AMPH: variants seen among roughly 807,000 people sequenced by gnomAD.
The protein encoded by AMPH is amphiphysin (Stiff-Mann syndrome with breast cancer 128kD autoantigen).
A neutral mutation model predicts 99.1 loss-of-function variants in AMPH; 49 were observed. The ratio of observed to expected loss-of-function variants is 0.49; its 90% CI spans 0.39 to 0.63. AMPH has a LOEUF of 0.63. Ranked by LOEUF, AMPH falls within the 20% of genes least tolerant of loss-of-function variation. AMPH has a pLI of 0.00. For synonymous variants in AMPH, 314 were observed against 317.3 expected (o/e 0.99, Z 0.11); for missense variants, 759 against 863.4 (o/e 0.88, Z 1.52).
intron 4 of AMPH, among the ~76,000 whole-genome samples, chr7:38,494,210 C>T (rs980956952): frequency 2.0e-5 from 3 of 152,182 alleles, no homozygotes; most frequent in East Asian, 1.9e-4. Context: ...TCACCCGCCT[C>T]GTCCTCCCAA....
chr7:38,432,951 C>T (rs763983409), intron 12 of AMPH, among the ~76,000 whole-genome samples: 3 of 152,184 alleles, frequency 2.0e-5, no homozygotes, highest in Non-Finnish European at 2.9e-5. Context: ...ATGGCTTCCA[C>T]TATGGGTGAG....
At position 38,391,934 on chromosome 7, in the gene AMPH, C is replaced by T. The variant is rs1413135723; in HGVS notation, c.1692G>A (p.Glu564=). ...CCGCGTCCTCGGTGGTCTCCTTGGG[C>T]TCTGCACCTATAGTTATTTCGTTTT... is the stretch of plus-strand genomic sequence containing the variant. The part of the protein sequence containing the change: ...EGENEITIGA[E]PKETTEDAAP... Residue 564 remains glutamate, a synonymous_variant, in exon 19 of 21, where the codon GAG becomes GAA. Transcript: ENST00000356264. 1.9e-6 allele frequency: 3 copies of T among 1,612,482 alleles called. No homozygotes were observed. The highest frequency in any genetic ancestry group is 1.7e-6 in the Non-Finnish European group (2 of 1,179,968).
chr7:38,417,064 T>C (rs926448414), intron 17 of AMPH, among the ~76,000 whole-genome samples: 4 of 152,208 alleles, frequency 2.6e-5, no homozygotes, highest in Admixed American at 6.5e-5. Flanking sequence ...CTGATTGAAA[T>C]TGTTGGAAGA....
chr7:38,421,865 AACACT>A (rs1302135352), intron 16 of AMPH, among the ~76,000 whole-genome samples: 1 of 152,232 alleles, frequency 6.6e-6, no homozygotes. Flanking sequence ...TCATAACTGC[AACACT>A]GATCTTTTAA....
chr7:38,567,955 A>T (rs533341683), intron 1 of AMPH, among the ~76,000 whole-genome samples: 2 of 152,204 alleles, frequency 1.3e-5, no homozygotes, highest in Non-Finnish European at 2.9e-5. Context: ...TATATATTCT[A>T]TTATTCATAT....
At chr7:38,541,456 C>T (rs546728419) in intron 1 of AMPH, among the ~76,000 whole-genome samples, 6 of 152,308 alleles carry the variant, frequency 3.9e-5, no homozygotes, top group Non-Finnish European at 5.9e-5. Context: ...ACTAGAAATG[C>T]ATCCTTCGGT....
chr7:38,448,774 A>G (rs1027592402), intron 11 of AMPH, among the ~76,000 whole-genome samples: 1 of 152,152 alleles, frequency 6.6e-6, no homozygotes, highest in Admixed American at 6.5e-5. Flanking sequence ...GTTCTCTCAC[A>G]TTTGCTTTAT....
intron 1 of AMPH, among the ~76,000 whole-genome samples, chr7:38,576,742 C>T (rs1282192780): frequency 6.6e-6 from 1 of 152,114 alleles, no homozygotes; most frequent in African/African-American, 2.4e-5. Context: ...AGAGATCTCA[C>T]TTAAGTCTTT....
At chr7:38,540,973 C>T (rs1790786981) in intron 1 of AMPH, among the ~76,000 whole-genome samples, 2 of 132,478 alleles carry the variant, frequency 1.5e-5, no homozygotes. Context: ...TTTAATTAGT[C>T]TTCTTTAACA....
chr7:38,517,898 C>T (rs1194821923), intron 2 of AMPH, among the ~76,000 whole-genome samples: 1 of 152,106 alleles, frequency 6.6e-6, no homozygotes, highest in African/African-American at 2.4e-5. Flanking sequence ...ATGAAAGACC[C>T]CACAATCATT....
intron 1 of AMPH, among the ~76,000 whole-genome samples, chr7:38,619,648 A>G (rs1246893635): frequency 3.3e-5 from 5 of 152,208 alleles, no homozygotes. Context: ...GCCTCAACAA[A>G]TTTTAAAAGA....
At chr7:38,455,148 T>G (rs1455583600) in intron 11 of AMPH, among the ~76,000 whole-genome samples, 1 of 152,018 alleles carries the variant, frequency 6.6e-6, no homozygotes, top group Non-Finnish European at 1.5e-5. Context: ...GGCACAATCT[T>G]GGTTCACCGC....
intron 2 of AMPH, among the ~76,000 whole-genome samples, chr7:38,511,222 T>C (rs1789528327): frequency 6.6e-6 from 1 of 152,206 alleles, no homozygotes; most frequent in African/African-American, 2.4e-5. Context: ...TTGTAAATGA[T>C]AAATTATGCA....
intron 1 of AMPH, among the ~76,000 whole-genome samples, chr7:38,608,712 G>A (rs900166963): frequency 6.6e-6 from 1 of 152,194 alleles, no homozygotes; most frequent in East Asian, 1.9e-4. Context: ...AGAAGTGATG[G>A]TGGAAGGCCT....
chr7:38,530,252 C>T (rs933619906), intron 2 of AMPH, among the ~76,000 whole-genome samples: 9 of 152,178 alleles, frequency 5.9e-5, no homozygotes, highest in African/African-American at 1.9e-4. Flanking sequence ...AAGGAGAGGA[C>T]GTGGCCCAGC....
intron 11 of AMPH, among the ~76,000 whole-genome samples, chr7:38,447,492 A>G (rs1017969925): frequency 6.6e-6 from 1 of 152,144 alleles, no homozygotes; most frequent in African/African-American, 2.4e-5. Flanking sequence ...TTTTATAAGC[A>G]TATCAGGTAA....
chr7:38,435,466 T>G (rs1584087961), intron 12 of AMPH, among the ~76,000 whole-genome samples: 1 of 152,330 alleles, frequency 6.6e-6, no homozygotes, highest in African/African-American at 2.4e-5. Context: ...AACTTTGGAT[T>G]TGCCTAAATT....
chr7:38,591,406 G>T (rs560512126), intron 1 of AMPH, among the ~76,000 whole-genome samples: 5 of 151,230 alleles, frequency 3.3e-5, no homozygotes, highest in Non-Finnish European at 4.4e-5. Context: ...TCCTGCCTCA[G>T]CCTCCCTAGT....
chr7:38,614,578 TCA>T (rs1194683429), intron 1 of AMPH, among the ~76,000 whole-genome samples: 14 of 152,198 alleles, frequency 9.2e-5, no homozygotes, highest in Non-Finnish European at 1.3e-4. Context: ...CTCATCTTTC[TCA>T]GTCTGTAAGG....
Sources: gnomAD v4.1 joint callset for allele counts (sites outside exome capture counted in the v4.1 genomes callset) on GRCh38, gnomAD v4.1.1 for gene constraint, MANE v1.5 for transcripts, NCBI Gene and HGNC (gene_info 2026-07-23, HGNC 2026-07-21) for gene names.